Variants in CYP7B1 observed in about 807,000 individuals in gnomAD.
CYP7B1 encodes cytochrome P450 7B1.
In CYP7B1, 29 loss-of-function variants were observed where a neutral mutation model predicts 42.7. The ratio of observed to expected loss-of-function variants is 0.68; its 90% confidence interval spans 0.51 to 0.93. The LOEUF is 0.93. Ranked by LOEUF, CYP7B1 falls within the 40% of genes least tolerant of loss-of-function variation. The probability of loss-of-function intolerance (pLI) is 0.00; values close to 1 mark genes in which losing one functional copy is unlikely to be tolerated. For synonymous variants in CYP7B1, 235 were observed against 218.2 expected, an observed-to-expected ratio of 1.08 and a Z score of -0.68; for missense variants, 655 against 600.5, an observed-to-expected ratio of 1.09 and a Z score of -0.95.
chr8:64,652,183 C>T (rs1806049048), intron 1 of CYP7B1, among the ~76,000 whole-genome samples: 1 of 152,182 alleles, frequency 6.6e-6, no homozygotes, highest in African/African-American at 2.4e-5. Flanking sequence ...ACCAATGATT[C>T]CAAACTTTCG....
At chr8:64,669,726 T>TAAAC (rs1806337028) in intron 1 of CYP7B1, among the ~76,000 whole-genome samples, 5 of 129,842 alleles carry the variant, frequency 3.9e-5, no homozygotes, top group Admixed American at 1.6e-4. Context: ...TTTACATACA[T>TAAAC]ACACACACAC....
chr8:64,741,634 C>T (rs1474092932), intron 1 of CYP7B1, among the ~76,000 whole-genome samples: 4 of 152,056 alleles, frequency 2.6e-5, no homozygotes, highest in Admixed American at 2.6e-4. Context: ...AATTCTTAAA[C>T]AAATAATCAA....
chr8:64,665,457 C>T (rs1273683723), intron 1 of CYP7B1, among the ~76,000 whole-genome samples: 2 of 149,550 alleles, frequency 1.3e-5, no homozygotes, highest in Non-Finnish European at 3.0e-5. Context: ...CAACACTTAA[C>T]GAGCTACATA....
intron 1 of CYP7B1, among the ~76,000 whole-genome samples, chr8:64,737,845 C>A (rs1807512227): frequency 6.6e-6 from 1 of 152,156 alleles, no homozygotes; most frequent in South Asian, 2.1e-4. Context: ...GCATAGCCAA[C>A]AGGTTATTCC....
intron 1 of CYP7B1, among the ~76,000 whole-genome samples, chr8:64,747,848 T>C (rs1807668025): frequency 6.6e-6 from 1 of 152,120 alleles, no homozygotes; most frequent in Admixed American, 6.6e-5. Context: ...ATCATCACCA[T>C]TGTCATATTG....
At chr8:64,602,198 G>A (rs1490881101) in intron 5 of CYP7B1, among the ~76,000 whole-genome samples, 1 of 152,180 alleles carries the variant, frequency 6.6e-6, no homozygotes, top group African/African-American at 2.4e-5. Context: ...GCAAAATACT[G>A]TGTGTTATGC....
intron 1 of CYP7B1, among the ~76,000 whole-genome samples, chr8:64,634,989 C>A (rs550031923): frequency 6.6e-6 from 1 of 152,196 alleles, no homozygotes. Context: ...TGCAGTGCAG[C>A]TGTTGGACTT....
At chr8:64,603,821 A>G (rs1805236127) in intron 5 of CYP7B1, among the ~76,000 whole-genome samples, 1 of 152,240 alleles carries the variant, frequency 6.6e-6, no homozygotes, top group Non-Finnish European at 1.5e-5. Context: ...AAATTCAACA[A>G]TATCGTAATC....
downstream of CYP7B1, among the ~76,000 whole-genome samples, chr8:64,589,382 T>G (rs1338694177): frequency 6.6e-6 from 1 of 152,086 alleles, no homozygotes; most frequent in African/African-American, 2.4e-5. Context: ...AAATAAAAAG[T>G]TTTTTTTAAA....
intron 1 of CYP7B1, among the ~76,000 whole-genome samples, chr8:64,716,401 A>G (rs991679917): frequency 1.4e-4 from 21 of 152,180 alleles, no homozygotes; most frequent in African/African-American, 5.1e-4. Flanking sequence ...AAAATACTAT[A>G]TCAGACATAG....
chr8:64,647,518 G>T (rs1805972140), intron 1 of CYP7B1, among the ~76,000 whole-genome samples: 1 of 152,116 alleles, frequency 6.6e-6, no homozygotes, highest in Non-Finnish European at 1.5e-5. Flanking sequence ...GCCTCACGTG[G>T]TTATGAAGGT....
At chr8:64,640,767 T>C (rs1023733203) in intron 1 of CYP7B1, among the ~76,000 whole-genome samples, 9 of 152,140 alleles carry the variant, frequency 5.9e-5, no homozygotes, top group African/African-American at 9.7e-5. Context: ...AATCCAATGA[T>C]TGTGACACAC....
rs1388757202 is a variant in CYP7B1 at position 64,695,713 on chromosome 8, G to A, written c.123-71174C>T. On this transcript the variant is annotated intron_variant, in intron 1 of 5. Transcript: ENST00000310193. ...ATGATATCGTGGACAGACAATGGAT[G>A]TGTCATCAGCACCCGAAAACAGCCT... is the stretch of plus-strand genomic sequence containing the variant. Among the ~76,000 whole-genome samples the A allele has an allele frequency of 2.7e-5, 4 of 147,208 alleles. No individual in the cohort carries two copies. In the Admixed American group the frequency reaches 2.8e-4, roughly 10 times the overall value.
intron 1 of CYP7B1, among the ~76,000 whole-genome samples, chr8:64,783,865 A>C (rs187168391): frequency 6.6e-6 from 1 of 152,318 alleles, no homozygotes; most frequent in East Asian, 1.9e-4. Flanking sequence ...TTTTAGACCA[A>C]TTTTAGGAAG....
chr8:64,624,514 T>C lies in CYP7B1; in HGVS notation c.148A>G (p.Lys50Glu). The C allele has an allele frequency of 6.2e-7, 1 of 1,613,680 alleles. No homozygotes were observed. The change falls in exon 2 of 6, where the codon AAA becomes GAA. Residue 50 changes from lysine to glutamate, a missense_variant. By Grantham distance (56) the Lys-to-Glu change is moderately conservative (BLOSUM62 1). Transcript: ENST00000310193. ...ACTCCAAGATAAGGAAGCCAACCTT[T>C]TATCAATGGAGGCTCACCGGGTCTC... ...TRRPGEPPLI[K>E]GWLPYLGVVL...
At chr8:64,676,920 T>C (rs914423555) in intron 1 of CYP7B1, among the ~76,000 whole-genome samples, 3 of 152,120 alleles carry the variant, frequency 2.0e-5, no homozygotes, top group Non-Finnish European at 2.9e-5. Context: ...TGTCATTTTA[T>C]TGACACCCCT....
At chr8:64,737,975 T>C (rs777077346) in intron 1 of CYP7B1, among the ~76,000 whole-genome samples, 11 of 152,214 alleles carry the variant, frequency 7.2e-5, no homozygotes, top group Admixed American at 1.3e-4. Context: ...TACTGGTTTG[T>C]TAGTCTTTTT....
intron 4 of CYP7B1, among the ~76,000 whole-genome samples, chr8:64,607,950 T>G (rs1290211835): frequency 6.6e-6 from 1 of 152,170 alleles, no homozygotes; most frequent in Non-Finnish European, 1.5e-5. Flanking sequence ...ACTGCAACTG[T>G]GATTAAGATA....
chr8:64,796,984 C>T (rs1448470976), intron 1 of CYP7B1, among the ~76,000 whole-genome samples: 1 of 152,198 alleles, frequency 6.6e-6, no homozygotes, highest in Non-Finnish European at 1.5e-5. Flanking sequence ...ATGAAGCTAT[C>T]TTCTATACAC....
Sources: allele counts gnomAD v4.1 joint callset (sites outside exome capture counted in the v4.1 genomes callset), GRCh38; gene constraint gnomAD v4.1.1; transcripts MANE v1.5; gene names NCBI Gene and HGNC (gene_info 2026-07-23, HGNC 2026-07-21).